The following GRXCR1 variants were observed in gnomAD, a reference collection of about 807,000 sequenced individuals.
The protein encoded by GRXCR1 is glutaredoxin and cysteine rich domain containing 1.
GRXCR1 carries 27 observed loss-of-function variants against 27.3 expected under a neutral mutation model. The ratio of observed to expected loss-of-function variants is 0.99; its 90% CI spans 0.73 to 1.37. The LOEUF (loss-of-function observed/expected upper bound fraction) is 1.37, where lower values mean the gene tolerates loss of function less well. Among genes scored for constraint, GRXCR1 ranks in the 40% most tolerant of loss-of-function variants. The pLI is 0.00. For missense variants in GRXCR1, 379 were observed against 354.4 expected (o/e 1.07, Z -0.56); for synonymous variants, 122 against 131.1 (o/e 0.93, Z 0.47).
At chr4:43,016,261 C>T (rs139946399) in intron 2 of GRXCR1, among the ~76,000 whole-genome samples, 57 of 152,274 alleles carry the variant, frequency 3.7e-4, no homozygotes, top group Admixed American at 2.9e-3. Flanking sequence ...CATAGCTTTT[C>T]TTCTGATCTT....
chr4:42,991,451 T>C (rs1200270012), intron 2 of GRXCR1, among the ~76,000 whole-genome samples: 1 of 149,132 alleles, frequency 6.7e-6, no homozygotes, highest in Non-Finnish European at 1.5e-5. Flanking sequence ...TACCTCTTGC[T>C]CTCTCTCTAC....
intron 1 of GRXCR1, among the ~76,000 whole-genome samples, chr4:42,940,320 C>CAG (rs1329642124): frequency 6.6e-6 from 1 of 152,040 alleles, no homozygotes; most frequent in African/African-American, 2.4e-5. Flanking sequence ...TTCAGATGAG[C>CAG]AGATCTTAGC....
intron 2 of GRXCR1, among the ~76,000 whole-genome samples, chr4:42,979,602 T>C (rs562814171): frequency 9.2e-5 from 14 of 152,068 alleles, no homozygotes; most frequent in Non-Finnish European, 1.8e-4. Flanking sequence ...GCCTATAGTT[T>C]ATTTATTTAT....
intron 1 of GRXCR1, among the ~76,000 whole-genome samples, chr4:42,928,550 A>G (rs1222558144): frequency 6.6e-6 from 1 of 151,948 alleles, no homozygotes; most frequent in Non-Finnish European, 1.5e-5. Flanking sequence ...TGTGGCCACA[A>G]AAGGAGATGG....
intron 1 of GRXCR1, among the ~76,000 whole-genome samples, chr4:42,956,755 G>C (rs1748013605): frequency 6.6e-6 from 1 of 152,078 alleles, no homozygotes; most frequent in Non-Finnish European, 1.5e-5. Context: ...GGAACTGTTT[G>C]TTTAGAATAT....
At chr4:43,001,611 G>C (rs1251382648) in intron 2 of GRXCR1, among the ~76,000 whole-genome samples, 10 of 152,236 alleles carry the variant, frequency 6.6e-5, no homozygotes, top group Non-Finnish European at 2.9e-5. Flanking sequence ...CTTTGTAATT[G>C]TGTGTGATAC....
At chr4:43,019,444 A>C (rs895470526) in intron 2 of GRXCR1, among the ~76,000 whole-genome samples, 2 of 152,196 alleles carry the variant, frequency 1.3e-5, no homozygotes, top group African/African-American at 2.4e-5. Flanking sequence ...TTCACAGATC[A>C]AAAATTGATC....
chr4:42,934,169 T>C (rs574238377), intron 1 of GRXCR1, among the ~76,000 whole-genome samples: 11 of 151,724 alleles, frequency 7.3e-5, no homozygotes, highest in African/African-American at 2.4e-4. Flanking sequence ...TAGAGACAGT[T>C]AACTGAAAAC....
chr4:43,010,761 T>C (rs1712724802), intron 2 of GRXCR1, among the ~76,000 whole-genome samples: 1 of 152,206 alleles, frequency 6.6e-6, no homozygotes, highest in South Asian at 2.1e-4. Context: ...GTTGACAGTG[T>C]GATTTTTAAA....
intron 2 of GRXCR1, among the ~76,000 whole-genome samples, chr4:43,014,757 A>G (rs1446498679): frequency 1.3e-5 from 2 of 152,176 alleles, no homozygotes; most frequent in East Asian, 1.9e-4. Context: ...GAAATCATCA[A>G]TCACTAAAAG....
intron 2 of GRXCR1, among the ~76,000 whole-genome samples, chr4:42,970,258 A>G (rs1340867865): frequency 1.3e-5 from 2 of 152,054 alleles, no homozygotes; most frequent in South Asian, 2.1e-4. Flanking sequence ...CAGTGGATCT[A>G]TCATTCTGGG....
chr4:42,990,474 A>G (rs1711936193), intron 2 of GRXCR1, among the ~76,000 whole-genome samples: 1 of 151,614 alleles, frequency 6.6e-6, no homozygotes, highest in Non-Finnish European at 1.5e-5. Context: ...ATTTATTTTT[A>G]TGTTTTCCTA....
intron 2 of GRXCR1, among the ~76,000 whole-genome samples, chr4:42,966,730 C>T (rs1448884770): frequency 6.6e-6 from 1 of 152,064 alleles, no homozygotes; most frequent in East Asian, 1.9e-4. Context: ...GGATATTAGC[C>T]ATTCTAATAG....
At chr4:42,920,118 T>C (rs1396484610) in intron 1 of GRXCR1, among the ~76,000 whole-genome samples, 1 of 152,114 alleles carries the variant, frequency 6.6e-6, no homozygotes, top group Non-Finnish European at 1.5e-5. Context: ...TTCTTTAGCA[T>C]CACTGGCTGA....
chr4:43,000,697 A>AGT (rs1712325548), intron 2 of GRXCR1, among the ~76,000 whole-genome samples: 2 of 151,926 alleles, frequency 1.3e-5, no homozygotes, highest in Admixed American at 6.6e-5. Context: ...AGAAAACCTC[A>AGT]GTATATATAG....
chr4:42,981,744 T>A (rs956876965), intron 2 of GRXCR1, among the ~76,000 whole-genome samples: 16 of 152,166 alleles, frequency 1.1e-4, no homozygotes, highest in African/African-American at 3.9e-4. Context: ...GTACTTTTAA[T>A]GTATCATCCC....
intron 1 of GRXCR1, among the ~76,000 whole-genome samples, chr4:42,925,647 A>G (rs928008043): frequency 6.6e-6 from 1 of 152,020 alleles, no homozygotes; most frequent in African/African-American, 2.4e-5. Context: ...GTTGCAGTCT[A>G]TTTCCTTCTT....
At chr4:42,976,786 G>A (rs1748533973) in intron 2 of GRXCR1, among the ~76,000 whole-genome samples, 3 of 151,844 alleles carry the variant, frequency 2.0e-5, no homozygotes, top group South Asian at 4.1e-4. Flanking sequence ...AATTAACATA[G>A]CATTATCTCA....
intron 2 of GRXCR1, among the ~76,000 whole-genome samples, chr4:42,973,343 AT>A: frequency 6.6e-6 from 1 of 152,242 alleles, no homozygotes; most frequent in East Asian, 1.9e-4. Flanking sequence ...TTCTATTGTG[AT>A]CCACATAACA....
Sources: allele counts gnomAD v4.1 joint callset (sites outside exome capture counted in the v4.1 genomes callset), GRCh38; gene constraint gnomAD v4.1.1; transcripts MANE v1.5; gene names NCBI Gene and HGNC (gene_info 2026-07-23, HGNC 2026-07-21).